The following CNTLN variants were observed in gnomAD, a reference collection of about 807,000 sequenced individuals.
CNTLN encodes the protein centlein, also known as centlein, centrosomal protein.
Under a neutral mutation model 180.0 loss-of-function variants are expected in CNTLN, and 212 were observed. The observed-to-expected ratio is 1.18, with a 90% CI of 1.05 to 1.32. The LOEUF (loss-of-function observed/expected upper bound fraction) is 1.32. CNTLN is among the 40% of genes most tolerant of loss of function. The pLI is 0.00. For synonymous variants in CNTLN, 722 were observed against 563.1 expected (o/e 1.28, Z -3.99); for missense variants, 2,095 against 1,610.9 (o/e 1.30, Z -5.14).
chr9:17,523,227 T>G, the CNTLN span, among the ~76,000 whole-genome samples: 1 of 152,152 alleles, frequency 6.6e-6, no homozygotes. Context: ...TAACTTCTGA[T>G]GGACTTATAC....
chr9:17,412,216 T>G lies in CNTLN; in HGVS notation c.2796+2743T>G, dbSNP rs572890077. On this transcript the variant is annotated intron_variant, in intron 16 of 25. Transcript: ENST00000380647. ...ATTTCCACTTCCAACTGGCAGTAAT[T>G]AGATGGTGTGCTCCTTGCCCCATCA... Among the ~76,000 whole-genome samples the G allele has an allele frequency of 1.7e-4, 26 of 152,274 alleles. 1 individual carries two copies. The highest frequency in any genetic ancestry group is 1.0e-3 in the Admixed American group (16 of 15,298).
In CNTLN at chr9:17,457,560, A is replaced by G. The variant is rs1364764665; in HGVS notation, c.3151A>G (p.Lys1051Glu). 13 of 1,522,522 alleles carry G rather than the reference A, an allele frequency of 8.5e-6. No individual in the cohort carries two copies. Among genetic ancestry groups the G allele is most frequent in the Non-Finnish European group, 1.1e-5 (13 of 1,133,174 alleles). 94.3% of individuals were successfully genotyped at this position (1,522,522 alleles called of 1,614,324 possible). A position where few individuals can be genotyped will look rare whatever the true frequency, so the allele number is the denominator to read the frequency against. ...NLDLAGLRKE[K>E]EDLLKKLESS... ...GGATTTGGCTGGGCTTCGGAAAGAA[A>G]AAGAAGATTTACTAAAGAAATTGGA... The change falls in exon 19 of 26, where the codon AAA becomes GAA. Residue 1051 changes from lysine (K) to glutamate (E), a missense_variant. Physicochemically the swap from Lys to Glu is moderately conservative, Grantham distance 56 (BLOSUM62 1). Coordinates refer to ENST00000380647, the MANE Select transcript of CNTLN (RefSeq NM_017738.4).
chr9:17,264,818 C>G (rs1827284848), intron 5 of CNTLN, among the ~76,000 whole-genome samples: 1 of 151,850 alleles, frequency 6.6e-6, no homozygotes, highest in Admixed American at 6.6e-5. Flanking sequence ...AATGTGAGTT[C>G]ACTCATGATT....
At chr9:17,349,428 C>G (rs886261488) in intron 12 of CNTLN, among the ~76,000 whole-genome samples, 4 of 152,056 alleles carry the variant, frequency 2.6e-5, no homozygotes, top group African/African-American at 9.7e-5. Context: ...AAAAGATATA[C>G]TATTAATACT....
chr9:17,523,248 TG>T, the CNTLN span, among the ~76,000 whole-genome samples: 2 of 152,278 alleles, frequency 1.3e-5, no homozygotes, highest in East Asian at 3.9e-4. Context: ...ATACGTTTTT[TG>T]TTTTTGAGAT....
At chr9:17,174,404 A>C (rs2131671274) in intron 2 of CNTLN, among the ~76,000 whole-genome samples, 1 of 152,304 alleles carries the variant, frequency 6.6e-6, no homozygotes, top group South Asian at 2.1e-4. Context: ...TAGTTTGTTA[A>C]GAAATTGCCA....
At chr9:17,473,863 T>A (rs1169314755) in intron 23 of CNTLN, among the ~76,000 whole-genome samples, 1 of 152,194 alleles carries the variant, frequency 6.6e-6, no homozygotes, top group African/African-American at 2.4e-5. Flanking sequence ...TCTTATCTTA[T>A]TTGAACCCTT....
intron 16 of CNTLN, among the ~76,000 whole-genome samples, chr9:17,409,789 T>C (rs1217591540): frequency 3.9e-5 from 6 of 152,116 alleles, no homozygotes; most frequent in Non-Finnish European, 7.4e-5. Flanking sequence ...TTTTGTATAT[T>C]AGTCTTTGCA....
intron 2 of CNTLN, among the ~76,000 whole-genome samples, chr9:17,176,534 T>C (rs1236018497): frequency 2.0e-5 from 3 of 152,218 alleles, no homozygotes; most frequent in African/African-American, 4.8e-5. Context: ...ATGAGGGATA[T>C]TGGTGTATAG....
At chr9:17,511,648 TCACACACACA>T in the CNTLN span, among the ~76,000 whole-genome samples, 8 of 146,686 alleles carry the variant, frequency 5.5e-5, no homozygotes, top group South Asian at 1.8e-3. Flanking sequence ...TCTCTCTCTC[TCACACACACA>T]CACACACACA....
intron 2 of CNTLN, among the ~76,000 whole-genome samples, chr9:17,145,749 T>C (rs1586905984): frequency 6.6e-6 from 1 of 152,348 alleles, no homozygotes; most frequent in East Asian, 1.9e-4. Flanking sequence ...GTTGTACAGC[T>C]GAACTTATTA....
intron 6 of CNTLN, among the ~76,000 whole-genome samples, chr9:17,274,080 G>A (rs958948209): frequency 7.2e-5 from 11 of 152,026 alleles, no homozygotes; most frequent in Admixed American, 5.9e-4. Context: ...GCATGGTCAA[G>A]GGGTACCCTA....
At chr9:17,427,193 G>A (rs1467439058) in intron 18 of CNTLN, among the ~76,000 whole-genome samples, 1 of 151,910 alleles carries the variant, frequency 6.6e-6, no homozygotes, top group Non-Finnish European at 1.5e-5. Flanking sequence ...CATGCAGCAG[G>A]TGCTACCGAA....
chr9:17,307,692 GA>G (rs1232032549), intron 7 of CNTLN, among the ~76,000 whole-genome samples: 1 of 152,038 alleles, frequency 6.6e-6, no homozygotes, highest in Admixed American at 6.6e-5. Flanking sequence ...ATGTATTAAT[GA>G]AAGGTTTTAC....
chr9:17,238,226 A>G (rs1055308458), intron 5 of CNTLN, among the ~76,000 whole-genome samples: 1 of 152,170 alleles, frequency 6.6e-6, no homozygotes, highest in African/African-American at 2.4e-5. Flanking sequence ...GAAAACTGGA[A>G]TTTCAAAAGT....
Position 17,394,863 on chromosome 9 carries a change from C to T in CNTLN, c.2409C>T (p.Asp803=), listed in dbSNP as rs765950716. The stretch of plus-strand genomic sequence containing the variant: ...TGGAGAAATCACACCAGTCAGCAGA[C>T]AGAGCTAAATCCGAGATGGCCACCA... The part of the protein sequence containing the change: ...NPMEKSHQSA[D]RAKSEMATMK... The change falls in exon 15 of 26, where the codon GAC becomes GAT. Residue 803 remains aspartate, a synonymous_variant. Coordinates refer to ENST00000380647, the MANE Select transcript of CNTLN (RefSeq NM_017738.4). The T allele has an allele frequency of 2.5e-6, 4 of 1,613,962 alleles. No homozygotes were observed. Among genetic ancestry groups the T allele is most frequent in the Non-Finnish European group, 3.4e-6 (4 of 1,179,944 alleles).
rs181117911 is a variant in CNTLN at position 17,225,174 on chromosome 9, C to G, written c.450-1029C>G. On this transcript the variant is annotated intron_variant, in intron 2 of 25. Transcript: ENST00000380647. ...TTGCCTTTCTAGACTCTAATATAAG[C>G]CTTGGTTCTAGGCAAGGATGGGCAG... Among the ~76,000 whole-genome samples, 788 of 152,010 alleles carry G rather than the reference C, an allele frequency of 5.2e-3. 5 individuals are homozygous for G. Among genetic ancestry groups the G allele is most frequent in the Admixed American group, 8.3e-3 (126 of 15,244 alleles).
chr9:17,263,434 G>A (rs897729750), intron 5 of CNTLN, among the ~76,000 whole-genome samples: 1 of 150,980 alleles, frequency 6.6e-6, no homozygotes, highest in Non-Finnish European at 1.5e-5. Flanking sequence ...TCTTAATCCA[G>A]TCTGTCTTTG....
chr9:17,168,997 G>C (rs1189997337), intron 2 of CNTLN, among the ~76,000 whole-genome samples: 1 of 152,078 alleles, frequency 6.6e-6, no homozygotes, highest in Non-Finnish European at 1.5e-5. Context: ...AATAGATTTA[G>C]AGTCTTTTTA....
Sources: gnomAD v4.1 joint callset for allele counts (sites outside exome capture counted in the v4.1 genomes callset) on GRCh38, gnomAD v4.1.1 for gene constraint, MANE v1.5 for transcripts, NCBI Gene and HGNC (gene_info 2026-07-23, HGNC 2026-07-21) for gene names.